The following CACNA2D3 variants were observed in gnomAD, a reference collection of about 807,000 sequenced individuals.
CACNA2D3 encodes the protein voltage-dependent calcium channel subunit alpha-2/delta-3.
CACNA2D3 carries 60 observed loss-of-function variants against 160.6 expected under a neutral mutation model. The observed-to-expected ratio is 0.37, with a 90% CI of 0.30 to 0.46. The LOEUF (loss-of-function observed/expected upper bound fraction) is 0.46, where lower values mean the gene tolerates loss of function less well. Among genes scored for constraint, CACNA2D3 ranks in the 20% least tolerant of loss-of-function variants. The probability of loss-of-function intolerance (pLI) is 1.00; values close to 1 mark genes in which losing one functional copy is unlikely to be tolerated. For missense variants in CACNA2D3, 1,205 were observed against 1,365.0 expected (o/e 0.88, Z 1.85); for synonymous variants, 558 against 492.9 (o/e 1.13, Z -1.75).
chr3:54,269,171 C>T (rs1019687873), intron 2 of CACNA2D3, among the ~76,000 whole-genome samples: 3 of 151,994 alleles, frequency 2.0e-5, no homozygotes, highest in Non-Finnish European at 4.4e-5. Flanking sequence ...GGTACAGGTA[C>T]AGGTGAAAGA....
intron 21 of CACNA2D3, among the ~76,000 whole-genome samples, chr3:54,881,835 G>A (rs539328863): frequency 7.9e-5 from 12 of 152,318 alleles, no homozygotes; most frequent in African/African-American, 2.4e-4. Flanking sequence ...CATCCATGGC[G>A]CCCTCAGATG....
At chr3:54,724,642 A>G (rs7650551) in intron 11 of CACNA2D3, among the ~76,000 whole-genome samples, 31,106 of 152,118 alleles carry the variant, frequency 0.2, 3,436 homozygotes, top group African/African-American at 0.24. Flanking sequence ...AGCTACATGG[A>G]AACTGAACAG....
At chr3:54,877,421 C>T (rs1048447348) in intron 18 of CACNA2D3, among the ~76,000 whole-genome samples, 8 of 152,150 alleles carry the variant, frequency 5.3e-5, no homozygotes, top group African/African-American at 1.9e-4. Flanking sequence ...GCTTGGGAGG[C>T]ACCAGACACT....
intron 5 of CACNA2D3, among the ~76,000 whole-genome samples, chr3:54,525,788 T>C (rs1033589079): frequency 3.3e-5 from 5 of 152,038 alleles, no homozygotes; most frequent in African/African-American, 1.2e-4. Context: ...CAGCTTTTTT[T>C]TTTCTATGAT....
Position 54,641,469 on chromosome 3 carries a change from A to G in CACNA2D3, c.1054-659A>G, listed in dbSNP as rs146163514. On this transcript the variant is annotated intron_variant, in intron 10 of 37. Coordinates refer to ENST00000474759, the MANE Select transcript of CACNA2D3 (RefSeq NM_018398.3). ...AGGCTTCAGAGAGAATAGATGGCAA[A>G]TATCTCTTTTCAGACCTGAAAAGAT... 7.7e-3 allele frequency among the ~76,000 whole-genome samples: 1,170 copies of G among 152,306 alleles called. 18 individuals carry two copies. Among genetic ancestry groups the G allele is most frequent in the African/African-American group, 0.026 (1,084 of 41,558 alleles).
chr3:54,358,164 T>A (rs755783444), intron 3 of CACNA2D3, among the ~76,000 whole-genome samples: 5 of 152,182 alleles, frequency 3.3e-5, no homozygotes, highest in African/African-American at 4.8e-5. Context: ...GACAAGGTGA[T>A]ATATGGGGAG....
intron 4 of CACNA2D3, among the ~76,000 whole-genome samples, chr3:54,496,989 A>G (rs914102038): frequency 6.6e-6 from 1 of 152,108 alleles, no homozygotes; most frequent in Admixed American, 6.5e-5. Flanking sequence ...TAATGCTTAT[A>G]CCATACTGCT....
At position 54,642,222 on chromosome 3, in the gene CACNA2D3, A is replaced by G; in HGVS notation, c.1148A>G (p.Tyr383Cys). ...VDTYDTIFAK[Y>C]NWPDRKVRIF... is the part of the protein sequence containing the mutation. Reference sequence around the variant, plus strand: ...ACCTATGATACAATCTTTGCAAAATACAATTGGCCAGATCGAAAGGTAAGT... The same window carrying G: ...ACCTATGATACAATCTTTGCAAAATGCAATTGGCCAGATCGAAAGGTAAGT... The change falls in exon 11 of 38, where the codon TAC (tyrosine) becomes TGC (cysteine). Residue 383 changes from tyrosine (Y) to cysteine (C), a missense_variant. Physicochemically the swap from Tyr to Cys is radical, Grantham distance 194 (BLOSUM62 -2). This residue lies in a region of CACNA2D3 where 911 missense variants were observed against 1,002.2 expected (regional missense o/e 0.91). Coordinates refer to ENST00000474759, the MANE Select transcript of CACNA2D3 (RefSeq NM_018398.3). The G allele has an allele frequency of 1.9e-6, 3 of 1,611,110 alleles. No individual in the cohort carries two copies. Among genetic ancestry groups the G allele is most frequent in the Non-Finnish European group, 2.5e-6 (3 of 1,178,384 alleles).
chr3:54,634,234 C>T (rs1274888748), intron 10 of CACNA2D3, among the ~76,000 whole-genome samples: 1 of 152,224 alleles, frequency 6.6e-6, no homozygotes, highest in African/African-American at 2.4e-5. Context: ...CTGCCAGGCA[C>T]ACTCCCACTC....
At chr3:55,056,264 C>T (rs555960128) in intron 35 of CACNA2D3, among the ~76,000 whole-genome samples, 1 of 152,250 alleles carries the variant, frequency 6.6e-6, no homozygotes, top group South Asian at 2.1e-4. Flanking sequence ...GATATCATTT[C>T]ACACCTGCCA....
At chr3:54,662,221 G>T (rs1699987209) in intron 11 of CACNA2D3, among the ~76,000 whole-genome samples, 1 of 152,030 alleles carries the variant, frequency 6.6e-6, no homozygotes, top group Admixed American at 6.5e-5. Flanking sequence ...GAGGGTGCTG[G>T]GAGCCTCTAT....
chr3:54,687,162 A>C (rs1277651059), intron 11 of CACNA2D3, among the ~76,000 whole-genome samples: 1 of 70,854 alleles, frequency 1.4e-5, no homozygotes, highest in Non-Finnish European at 2.8e-5. Context: ...TTTTTTTGAC[A>C]CTGGGCCTCA....
At chr3:54,918,766 G>A (rs1446022669) in intron 27 of CACNA2D3, 1 of 1,614,182 alleles carries the variant, frequency 6.2e-7, no homozygotes, top group East Asian at 2.2e-5. Flanking sequence ...GGGCCACTGA[G>A]CCTGCGAGGA....
chr3:54,622,990 G>A (rs1699023237), intron 9 of CACNA2D3, among the ~76,000 whole-genome samples: 1 of 152,208 alleles, frequency 6.6e-6, no homozygotes, highest in Non-Finnish European at 1.5e-5. Flanking sequence ...TAGGGGAGAA[G>A]AGGAAGATCA....
At chr3:54,276,892 T>C (rs1441598041) in intron 2 of CACNA2D3, among the ~76,000 whole-genome samples, 6 of 152,254 alleles carry the variant, frequency 3.9e-5, no homozygotes, top group Admixed American at 2.6e-4. Context: ...TGATGACCAA[T>C]GACGGATGAC....
chr3:54,966,451 G>A (rs1702152696), intron 27 of CACNA2D3, among the ~76,000 whole-genome samples: 1 of 152,152 alleles, frequency 6.6e-6, no homozygotes, highest in Non-Finnish European at 1.5e-5. Context: ...CCACATCACA[G>A]TAGGTCCCCA....
intron 2 of CACNA2D3, among the ~76,000 whole-genome samples, chr3:54,251,825 A>G: frequency 6.6e-6 from 1 of 152,222 alleles, no homozygotes; most frequent in East Asian, 1.9e-4. Context: ...CTAGTTAGAT[A>G]AATATCAAAA....
chr3:54,574,301 G>A (rs367606518), intron 8 of CACNA2D3, among the ~76,000 whole-genome samples: 1 of 152,042 alleles, frequency 6.6e-6, no homozygotes, highest in Admixed American at 6.6e-5. Flanking sequence ...AATGGAGGTC[G>A]GAGGAAAGAG....
At chr3:54,708,715 C>T (rs555660372) in intron 11 of CACNA2D3, among the ~76,000 whole-genome samples, 1 of 152,290 alleles carries the variant, frequency 6.6e-6, no homozygotes, top group South Asian at 2.1e-4. Flanking sequence ...TGCTCAAATC[C>T]TAGGCGGCTC....
Sources: gnomAD v4.1 joint callset for allele counts (sites outside exome capture counted in the v4.1 genomes callset) on GRCh38, gnomAD v4.1.1 for gene constraint, gnomAD v4.1.1 regional missense constraint, MANE v1.5 for transcripts, NCBI Gene and HGNC (gene_info 2026-07-23, HGNC 2026-07-21) for gene names.